CACNB2: variants seen among roughly 807,000 people sequenced by gnomAD.
CACNB2 encodes calcium voltage-gated channel auxiliary subunit beta 2, also known as voltage-dependent L-type calcium channel subunit beta-2.
Under a neutral mutation model 73.3 loss-of-function variants are expected in CACNB2, and 42 were observed. That is an observed-to-expected ratio of 0.57 (90% CI 0.45 to 0.74). The LOEUF (loss-of-function observed/expected upper bound fraction) is 0.74, where lower values mean the gene tolerates loss of function less well. CACNB2 is among the 30% of genes least tolerant of loss of function. The pLI is 0.00. For missense variants in CACNB2, 940 were observed against 853.0 expected (o/e 1.10, Z -1.27); for synonymous variants, 348 against 310.3 (o/e 1.12, Z -1.28).
intron 3 of CACNB2, among the ~76,000 whole-genome samples, chr10:18,456,189 G>C (rs2047269543): frequency 6.6e-6 from 1 of 152,078 alleles, no homozygotes; most frequent in Admixed American, 6.6e-5. Flanking sequence ...TACTGATCTT[G>C]GCCAGGCACG....
At chr10:18,413,248 G>A (rs1589278853) in intron 3 of CACNB2, among the ~76,000 whole-genome samples, 1 of 152,106 alleles carries the variant, frequency 6.6e-6, no homozygotes, top group Non-Finnish European at 1.5e-5. Context: ...CTGGGATTAC[G>A]GGCATGAGCC....
At position 18,173,069 on chromosome 10, in the gene CACNB2, C is replaced by T. The variant is rs1287535331; in HGVS notation, c.213+22094C>T. 2.6e-5 allele frequency among the ~76,000 whole-genome samples: 4 copies of T among 151,162 alleles called. No homozygotes were observed. The East Asian group carries it at 7.8e-4, about 29-fold the overall frequency. ...CCGAGTAGCTGGGATTACAGGAGTGCACAACCATGACTGGCTAATTTTGTG... is the reference window on the plus strand; with the variant it reads ...CCGAGTAGCTGGGATTACAGGAGTGTACAACCATGACTGGCTAATTTTGTG... On this transcript the variant is annotated intron_variant, in intron 2 of 13. Coordinates refer to ENST00000324631, the MANE Select transcript of CACNB2 (RefSeq NM_201596.3).
chr10:18,227,428 C>T (rs747756269), intron 2 of CACNB2, among the ~76,000 whole-genome samples: 2 of 151,906 alleles, frequency 1.3e-5, no homozygotes, highest in Non-Finnish European at 2.9e-5. Context: ...TACCCCAGCT[C>T]GGAATGAACT....
chr10:18,281,185 G>A (rs2038530284), intron 2 of CACNB2, among the ~76,000 whole-genome samples: 1 of 152,108 alleles, frequency 6.6e-6, no homozygotes, highest in Non-Finnish European at 1.5e-5. Context: ...TTGGACAATT[G>A]GAGATTAGGA....
chr10:18,391,710 T>G (rs2043475868), intron 2 of CACNB2, among the ~76,000 whole-genome samples: 1 of 152,082 alleles, frequency 6.6e-6, no homozygotes, highest in Non-Finnish European at 1.5e-5. Flanking sequence ...ATGGATCTCT[T>G]GAATCCAGGA....
chr10:18,293,307 C>T (rs1421734397), intron 2 of CACNB2, among the ~76,000 whole-genome samples: 1 of 152,192 alleles, frequency 6.6e-6, no homozygotes, highest in African/African-American at 2.4e-5. Flanking sequence ...GATTCAGGAA[C>T]CTTTGGCCTA....
At chr10:18,347,281 A>C (rs1489730892) in intron 2 of CACNB2, among the ~76,000 whole-genome samples, 1 of 150,792 alleles carries the variant, frequency 6.6e-6, no homozygotes, top group Non-Finnish European at 1.5e-5. Flanking sequence ...AGATGTAAGC[A>C]ATTCTCCTGC....
chr10:18,488,824 G>GGA (rs1026462390), intron 3 of CACNB2, among the ~76,000 whole-genome samples: 7 of 151,624 alleles, frequency 4.6e-5, no homozygotes, highest in African/African-American at 9.7e-5. Context: ...CACAGGCTTT[G>GGA]GAGAGAGAGA....
chr10:18,269,239 C>A (rs141645609), intron 2 of CACNB2, among the ~76,000 whole-genome samples: 2 of 152,286 alleles, frequency 1.3e-5, no homozygotes, highest in Non-Finnish European at 2.9e-5. Flanking sequence ...TTTGTGCTAG[C>A]CTACTGAATT....
At chr10:18,329,430 G>T in intron 2 of CACNB2, among the ~76,000 whole-genome samples, 1 of 141,848 alleles carries the variant, frequency 7.0e-6, no homozygotes, top group Admixed American at 7.5e-5. Context: ...TGCCGATAAT[G>T]TTTTTTATAA....
chr10:18,450,799 CTGT>C (rs767227168), intron 3 of CACNB2, among the ~76,000 whole-genome samples: 3 of 151,720 alleles, frequency 2.0e-5, no homozygotes, highest in Non-Finnish European at 4.4e-5. Context: ...ATTTTTGTTG[CTGT>C]TGTTGTCATA....
At chr10:18,185,598 A>G (rs886453149) in intron 2 of CACNB2, among the ~76,000 whole-genome samples, 2 of 152,202 alleles carry the variant, frequency 1.3e-5, no homozygotes, top group African/African-American at 4.8e-5. Context: ...TACTAACTGA[A>G]ATAGTACTGA....
At chr10:18,473,906 G>A (rs980239858) in intron 3 of CACNB2, among the ~76,000 whole-genome samples, 6 of 152,178 alleles carry the variant, frequency 3.9e-5, no homozygotes, top group African/African-American at 1.4e-4. Flanking sequence ...CAGACAAGGA[G>A]CTAGAAGCTG....
At chr10:18,287,972 C>A (rs1404083987) in intron 2 of CACNB2, among the ~76,000 whole-genome samples, 2 of 152,208 alleles carry the variant, frequency 1.3e-5, no homozygotes, top group Non-Finnish European at 2.9e-5. Flanking sequence ...CCTGGCAATG[C>A]TCAGCTCCTA....
intron 3 of CACNB2, among the ~76,000 whole-genome samples, chr10:18,481,777 T>G (rs987113417): frequency 3.3e-5 from 5 of 152,184 alleles, no homozygotes; most frequent in Admixed American, 2.0e-4. Context: ...TCTGGAGAGC[T>G]GAGAAGTTGT....
At chr10:18,167,180 T>G (rs553306152) in intron 2 of CACNB2, among the ~76,000 whole-genome samples, 10 of 152,158 alleles carry the variant, frequency 6.6e-5, no homozygotes, top group African/African-American at 2.4e-4. Flanking sequence ...TTATCCTGAG[T>G]GAACTAACTG....
intron 3 of CACNB2, among the ~76,000 whole-genome samples, chr10:18,415,027 G>A (rs978351838): frequency 1.3e-5 from 2 of 152,184 alleles, no homozygotes; most frequent in Non-Finnish European, 2.9e-5. Flanking sequence ...AACATTTGAT[G>A]AGTGGTATCA....
intron 2 of CACNB2, among the ~76,000 whole-genome samples, chr10:18,252,133 C>T (rs2037115026): frequency 6.6e-6 from 1 of 152,144 alleles, no homozygotes; most frequent in African/African-American, 2.4e-5. Context: ...TCTTATCTAA[C>T]CTATTGTCCT....
intron 2 of CACNB2, among the ~76,000 whole-genome samples, chr10:18,213,272 C>G (rs1013382271): frequency 1.3e-5 from 2 of 152,132 alleles, no homozygotes; most frequent in African/African-American, 4.8e-5. Flanking sequence ...AGTCTTTAAC[C>G]TCTTTGACCT....
Sources: gnomAD v4.1 joint callset for allele counts (sites outside exome capture counted in the v4.1 genomes callset) on GRCh38, gnomAD v4.1.1 for gene constraint, MANE v1.5 for transcripts, NCBI Gene and HGNC (gene_info 2026-07-23, HGNC 2026-07-21) for gene names.